DMXL2: variants seen among roughly 807,000 people sequenced by gnomAD.
DMXL2 encodes the protein Dmx like 2, also known as dmX-like protein 2.
In DMXL2, 103 loss-of-function variants were observed where a neutral mutation model predicts 331.1. The ratio of observed to expected loss-of-function variants is 0.31; its 90% CI spans 0.27 to 0.37. DMXL2 has a LOEUF of 0.37. Ranked by LOEUF, DMXL2 falls within the 10% of genes least tolerant of loss-of-function variation. The pLI is 1.00. For missense variants in DMXL2, 3,171 were observed against 3,642.9 expected (o/e 0.87, Z 3.33); for synonymous variants, 1,281 against 1,252.1 (o/e 1.02, Z -0.49).
At chr15:51,508,318 A>C (rs1234824325) in intron 15 of DMXL2, among the ~76,000 whole-genome samples, 1 of 152,202 alleles carries the variant, frequency 6.6e-6, no homozygotes, top group Non-Finnish European at 1.5e-5. Flanking sequence ...GCAGAACTTA[A>C]AGTATAATAA....
At chr15:51,479,886 A>G in intron 25 of DMXL2, 62 bp downstream of exon 25, 5 of 1,247,292 alleles carry the variant, frequency 4.0e-6, no homozygotes, top group Non-Finnish European at 5.3e-6. Flanking sequence ...ATTAAAAGAC[A>G]GGTATAACAT....
At chr15:51,539,900 C>T (rs1487043028) in intron 9 of DMXL2, among the ~76,000 whole-genome samples, 1 of 152,186 alleles carries the variant, frequency 6.6e-6, no homozygotes, top group African/African-American at 2.4e-5. Flanking sequence ...AAGTGAAAAT[C>T]TAAAGATAAA....
At chr15:51,556,160 G>A (rs1044733461) in intron 6 of DMXL2, among the ~76,000 whole-genome samples, 4 of 151,624 alleles carry the variant, frequency 2.6e-5, no homozygotes, top group Admixed American at 6.6e-5. Flanking sequence ...TGGCTAACAC[G>A]GTGAAACCCC....
At chr15:51,568,910 G>T (rs994319006) in intron 2 of DMXL2, among the ~76,000 whole-genome samples, 1 of 152,158 alleles carries the variant, frequency 6.6e-6, no homozygotes, top group African/African-American at 2.4e-5. Flanking sequence ...GAGGTACCAG[G>T]TTCATCTCAC....
intron 9 of DMXL2, among the ~76,000 whole-genome samples, chr15:51,539,345 T>C (rs563113060): frequency 6.6e-6 from 1 of 152,192 alleles, no homozygotes; most frequent in East Asian, 1.9e-4. Flanking sequence ...AATATAAAAG[T>C]ATTAACTGTA....
chr15:51,543,481 G>T (rs1332582377), intron 8 of DMXL2, among the ~76,000 whole-genome samples: 1 of 152,124 alleles, frequency 6.6e-6, no homozygotes, highest in Non-Finnish European at 1.5e-5. Context: ...TGATAATAGG[G>T]TTAAGATTGA....
intron 27 of DMXL2, among the ~76,000 whole-genome samples, chr15:51,475,953 A>C (rs1221806287): frequency 6.6e-6 from 1 of 152,190 alleles, no homozygotes; most frequent in African/African-American, 2.4e-5. Context: ...ACATTTGGGG[A>C]ATCTGGGTGA....
intron 1 of DMXL2, 89 bp from the exon 2 acceptor site, chr15:51,576,270 T>C (rs1159382127): frequency 9.7e-7 from 1 of 1,027,756 alleles, no homozygotes; most frequent in Non-Finnish European, 1.3e-6. Flanking sequence ...TTAGATTTTA[T>C]TGCCATTATA....
intron 36 of DMXL2, chr15:51,458,109 G>C (rs990038308): frequency 6.0e-6 from 1 of 166,818 alleles, no homozygotes; most frequent in Non-Finnish European, 1.3e-5. Context: ...GAAAAGTAAA[G>C]CCGTCTACAT....
chr15:51,614,558 C>T (rs1359013080), intron 1 of DMXL2, among the ~76,000 whole-genome samples: 4 of 152,140 alleles, frequency 2.6e-5, no homozygotes, highest in East Asian at 3.8e-4. Context: ...CTGCCTTCAT[C>T]GTATAAAATT....
chr15:51,576,184 A>T lies in DMXL2; in HGVS notation c.88-3T>A, dbSNP rs777504657. The T allele has an allele frequency of 4.8e-5, 25 of 520,188 alleles. No homozygotes were observed. The highest frequency in any genetic ancestry group is 6.6e-5 in the East Asian group (1 of 15,108). The allele number at this position is 520,188 out of a possible 1,614,324, so 32.2% of individuals were successfully genotyped here. ...ATATCACAGCCTGATCCATATGCCT[A>T]AAAAAAAAAAAAAAAAAAAGTTTTA... On this transcript the variant is annotated splice_region_variant and splice_polypyrimidine_tract_variant and intron_variant, in intron 1 of 43. Transcript: ENST00000560891.
At position 51,576,224 on chromosome 15, in the gene DMXL2, T is replaced by C. The variant is rs377173483; in HGVS notation, c.88-43A>G. On this transcript the variant is annotated intron_variant, in intron 1 of 43. Coordinates refer to ENST00000560891, the MANE Select transcript of DMXL2 (RefSeq NM_001378457.1). ...AAAAAGTTTTACAATACATAAGATA[T>C]GTAACTTTTGAAATCTTATTACATA... is the stretch of plus-strand genomic sequence containing the variant. 122 of 1,279,344 alleles carry C rather than the reference T, an allele frequency of 9.5e-5. 3 individuals carry two copies. The highest frequency in any genetic ancestry group is 6.6e-4 in the Middle Eastern group (3 of 4,546). The allele number at this position is 1,279,344 out of a possible 1,614,324, so 79.2% of individuals were successfully genotyped here.
chr15:51,513,142 T>C (rs954409363), intron 15 of DMXL2, among the ~76,000 whole-genome samples: 2 of 152,160 alleles, frequency 1.3e-5, no homozygotes, highest in Non-Finnish European at 2.9e-5. Context: ...TTTGGCCTGA[T>C]TTAGCAGTGG....
At chr15:51,537,408 A>C in intron 11 of DMXL2, 80 bp downstream of exon 11, 1 of 1,412,576 alleles carries the variant, frequency 7.1e-7, no homozygotes, top group East Asian at 2.5e-5. Context: ...GTAATTCTAA[A>C]AACATGCTAA....
intron 6 of DMXL2, among the ~76,000 whole-genome samples, chr15:51,552,621 G>A (rs1473525433): frequency 6.6e-6 from 1 of 151,946 alleles, no homozygotes; most frequent in East Asian, 1.9e-4. Context: ...ACATTCTCCT[G>A]GTTTTCGTTT....
intron 29 of DMXL2, among the ~76,000 whole-genome samples, chr15:51,469,399 GAAGTTTTTAAAATGACAGCTATAT>G (rs1336232445): frequency 2.0e-5 from 3 of 152,008 alleles, no homozygotes; most frequent in Non-Finnish European, 4.4e-5. Context: ...TTTCTACACT[GAAGTTTTTAAAATGACAGCTATAT>G]AAGTTTTTAA....
intron 19 of DMXL2, among the ~76,000 whole-genome samples, chr15:51,493,388 G>GA (rs2042941561): frequency 6.6e-6 from 1 of 152,056 alleles, no homozygotes; most frequent in African/African-American, 2.4e-5. Context: ...CATGTCAGAA[G>GA]AATTAGGTTC....
chr15:51,572,915 A>AAC (rs2050768670), intron 2 of DMXL2, among the ~76,000 whole-genome samples: 1 of 152,246 alleles, frequency 6.6e-6, no homozygotes, highest in Non-Finnish European at 1.5e-5. Flanking sequence ...TATTCAACAC[A>AAC]GTACTGGAAG....
chr15:51,572,074 T>C (rs148360897), intron 2 of DMXL2, among the ~76,000 whole-genome samples: 4 of 151,804 alleles, frequency 2.6e-5, no homozygotes, highest in Admixed American at 2.6e-4. Flanking sequence ...AAGAATCAAA[T>C]AGACACAATA....
Sources: gnomAD v4.1 joint callset for allele counts (sites outside exome capture counted in the v4.1 genomes callset) on GRCh38, gnomAD v4.1.1 for gene constraint, MANE v1.5 for transcripts, NCBI Gene and HGNC (gene_info 2026-07-23, HGNC 2026-07-21) for gene names.